CMTM8: variants seen among roughly 807,000 people sequenced by gnomAD.
The protein encoded by CMTM8 is CKLF like MARVEL transmembrane domain containing 8.
CMTM8 carries 12 observed loss-of-function variants against 18.6 expected under a neutral mutation model. That is an observed-to-expected ratio of 0.65 (90% confidence interval 0.41 to 1.05). The LOEUF (loss-of-function observed/expected upper bound fraction) is 1.05. Ranked by LOEUF, CMTM8 falls within the 50% of genes least tolerant of loss-of-function variation. The pLI, the probability that CMTM8 is intolerant of heterozygous loss-of-function variation, is 0.00. For missense variants in CMTM8, 217 were observed against 227.2 expected (o/e 0.95, Z 0.29); for synonymous variants, 87 against 90.6 (o/e 0.96, Z 0.23).
chr3:32,241,866 T>C (rs1296460478), intron 1 of CMTM8, among the ~76,000 whole-genome samples: 2 of 152,256 alleles, frequency 1.3e-5, no homozygotes, highest in African/African-American at 4.8e-5. Flanking sequence ...TTAGTAATTC[T>C]CTTTTCTCAT....
In CMTM8 at chr3:32,358,842, T is replaced by C. The variant is rs146820616; in HGVS notation, c.321+1296T>C. The stretch of plus-strand genomic sequence containing the variant: ...AGAATTGGTGTTTTGCTGCCTCAGA[T>C]GGGCATCAGGAGGGAAAGACTCGCT... On this transcript the variant is annotated intron_variant, in intron 2 of 3. Coordinates refer to ENST00000307526, the MANE Select transcript of CMTM8 (RefSeq NM_178868.5). The surrounding 1 kb of genome is among the most constrained non-coding windows in gnomAD (Gnocchi z 4.1). 2.0e-5 allele frequency among the ~76,000 whole-genome samples: 3 copies of C among 152,324 alleles called. No individual in the cohort carries two copies. The highest frequency in any genetic ancestry group is 7.2e-5 in the African/African-American group (3 of 41,578).
chr3:32,246,377 C>T (rs769999282), intron 1 of CMTM8, among the ~76,000 whole-genome samples: 42 of 152,114 alleles, frequency 2.8e-4, no homozygotes, highest in Non-Finnish European at 5.1e-4. Context: ...TGGTTGTCTG[C>T]GTCCCTCCAC....
chr3:32,313,709 T>C (rs1171942801), intron 1 of CMTM8, among the ~76,000 whole-genome samples: 2 of 152,172 alleles, frequency 1.3e-5, no homozygotes, highest in Non-Finnish European at 2.9e-5. Context: ...CTGGAATCCG[T>C]GTTTAGCAAG....
chr3:32,250,609 T>G (rs1468534077), intron 1 of CMTM8, among the ~76,000 whole-genome samples: 1 of 152,178 alleles, frequency 6.6e-6, no homozygotes, highest in East Asian at 1.9e-4. Context: ...CTTCTTTTGT[T>G]AAATTTATTT....
At chr3:32,298,758 A>T (rs1695538197) in intron 1 of CMTM8, among the ~76,000 whole-genome samples, 2 of 149,212 alleles carry the variant, frequency 1.3e-5, no homozygotes, top group Non-Finnish European at 3.0e-5. Flanking sequence ...TCAGCTTCCC[A>T]AGCAGCTGGG....
intron 1 of CMTM8, among the ~76,000 whole-genome samples, chr3:32,349,658 G>T (rs141267598): frequency 3.3e-5 from 5 of 152,290 alleles, no homozygotes; most frequent in Admixed American, 6.5e-5. Flanking sequence ...GGACAGGGAA[G>T]CTGCTATACA....
At chr3:32,335,092 C>T (rs1696360735) in intron 1 of CMTM8, among the ~76,000 whole-genome samples, 1 of 152,180 alleles carries the variant, frequency 6.6e-6, no homozygotes, top group African/African-American at 2.4e-5. Flanking sequence ...ATACCTTTGA[C>T]ATACTCTGCC....
At chr3:32,365,714 TG>T (rs754966651) in intron 2 of CMTM8, among the ~76,000 whole-genome samples, 5 of 152,214 alleles carry the variant, frequency 3.3e-5, no homozygotes, top group Non-Finnish European at 5.9e-5. Context: ...CCCAGAGTGT[TG>T]GGATTACAGG....
At chr3:32,298,898 T>TAC (rs1212960579) in intron 1 of CMTM8, among the ~76,000 whole-genome samples, 35 of 136,030 alleles carry the variant, frequency 2.6e-4, no homozygotes, top group South Asian at 1.4e-3. Flanking sequence ...TATACACACA[T>TAC]ACACACACAC....
intron 1 of CMTM8, among the ~76,000 whole-genome samples, chr3:32,326,864 T>G (rs1696168808): frequency 1.3e-5 from 2 of 152,136 alleles, no homozygotes; most frequent in South Asian, 4.2e-4. Context: ...CCCAGAGTCA[T>G]TTATTGGTTT....
At chr3:32,279,203 G>T in intron 1 of CMTM8, among the ~76,000 whole-genome samples, 2 of 142,222 alleles carry the variant, frequency 1.4e-5, no homozygotes, top group Admixed American at 7.0e-5. Context: ...TATACTTTAA[G>T]TTTTAGGGTA....
chr3:32,301,209 A>AT (rs1490435735), intron 1 of CMTM8, among the ~76,000 whole-genome samples: 1 of 151,996 alleles, frequency 6.6e-6, no homozygotes, highest in East Asian at 1.9e-4. Context: ...CTTTCCACAG[A>AT]TTTTTTGCCC....
intron 1 of CMTM8, among the ~76,000 whole-genome samples, chr3:32,315,048 A>G (rs1695893647): frequency 2.0e-5 from 3 of 151,786 alleles, no homozygotes; most frequent in Admixed American, 6.6e-5. Flanking sequence ...GCCTTTGGTC[A>G]TTGGTTCAGT....
At chr3:32,337,864 C>T (rs1575183016) in intron 1 of CMTM8, among the ~76,000 whole-genome samples, 1 of 152,114 alleles carries the variant, frequency 6.6e-6, no homozygotes, top group Admixed American at 6.5e-5. Context: ...AACACAGTTG[C>T]TCCCATTCAT....
At chr3:32,330,112 G>T (rs1696243525) in intron 1 of CMTM8, among the ~76,000 whole-genome samples, 1 of 151,012 alleles carries the variant, frequency 6.6e-6, no homozygotes. Flanking sequence ...TGTTCATAGA[G>T]TGGAAAATGT....
intron 1 of CMTM8, among the ~76,000 whole-genome samples, chr3:32,272,252 CT>C (rs950259818): frequency 6.6e-6 from 1 of 151,952 alleles, no homozygotes; most frequent in Admixed American, 6.6e-5. Flanking sequence ...AATTTTTTGT[CT>C]TTGTATACAG....
chr3:32,328,192 A>G lies in CMTM8; in HGVS notation c.148-29181A>G, dbSNP rs148780288. Among the ~76,000 whole-genome samples, 392 of 152,130 alleles carry G rather than the reference A, an allele frequency of 2.6e-3. 1 individual carries two copies. The highest frequency in any genetic ancestry group is 9.1e-3 in the African/African-American group (377 of 41,440). ...GTTTGCCAAGACTAGCCTGGCCAACATGGTAAAACCCCATCTCTACTAAAA... is the reference window on the plus strand; with the variant it reads ...GTTTGCCAAGACTAGCCTGGCCAACGTGGTAAAACCCCATCTCTACTAAAA... On this transcript the variant is annotated intron_variant, in intron 1 of 3. Coordinates refer to ENST00000307526, the MANE Select transcript of CMTM8 (RefSeq NM_178868.5).
chr3:32,275,878 G>A (rs1702509661), intron 1 of CMTM8, among the ~76,000 whole-genome samples: 1 of 151,938 alleles, frequency 6.6e-6, no homozygotes, highest in South Asian at 2.1e-4. Context: ...TTAAACTCCT[G>A]GCCTCAAGTG....
intron 1 of CMTM8, among the ~76,000 whole-genome samples, chr3:32,307,763 C>T (rs568798263): frequency 3.3e-5 from 5 of 152,260 alleles, no homozygotes; most frequent in Admixed American, 2.0e-4. Context: ...CAGGCCCCAC[C>T]CCCAGAGTTC....
Sources: gnomAD v4.1 joint callset for allele counts (sites outside exome capture counted in the v4.1 genomes callset) on GRCh38, gnomAD v4.1.1 for gene constraint, Gnocchi (gnomAD v3.1) non-coding constraint, MANE v1.5 for transcripts, NCBI Gene and HGNC (gene_info 2026-07-23, HGNC 2026-07-21) for gene names.